GIPC2: variants seen among roughly 807,000 people sequenced by gnomAD.
GIPC2 encodes PDZ domain-containing protein GIPC2.
In GIPC2, 30 loss-of-function variants were observed where a neutral mutation model predicts 30.6. That is an observed-to-expected ratio of 0.98 (90% CI 0.73 to 1.33). GIPC2 has a LOEUF of 1.33. GIPC2 is among the 40% of genes most tolerant of loss of function. The probability of loss-of-function intolerance (pLI) is 0.00; values close to 1 mark genes in which losing one functional copy is unlikely to be tolerated. For synonymous variants in GIPC2, 167 were observed against 150.0 expected (o/e 1.11, Z -0.83); for missense variants, 414 against 390.3 (o/e 1.06, Z -0.51).
At chr1:78,134,640 G>A (rs998838522) in intron 5 of GIPC2, among the ~76,000 whole-genome samples, 1 of 152,124 alleles carries the variant, frequency 6.6e-6, no homozygotes, top group African/African-American at 2.4e-5. Flanking sequence ...CCTGCCTTGT[G>A]TTAGGACTGA....
intron 3 of GIPC2, among the ~76,000 whole-genome samples, chr1:78,098,262 A>G (rs1351025807): frequency 6.6e-6 from 1 of 152,174 alleles, no homozygotes; most frequent in Non-Finnish European, 1.5e-5. Flanking sequence ...GCAGTGGACT[A>G]TCTAGAGATG....
chr1:78,101,850 A>AT (rs1662256332), intron 3 of GIPC2, among the ~76,000 whole-genome samples: 1 of 152,120 alleles, frequency 6.6e-6, no homozygotes, highest in Admixed American at 6.5e-5. Context: ...GTAAACCTAG[A>AT]TTTTCCCAAG....
intron 3 of GIPC2, among the ~76,000 whole-genome samples, chr1:78,101,348 T>G (rs1290731949): frequency 6.6e-6 from 1 of 152,204 alleles, no homozygotes; most frequent in Admixed American, 6.5e-5. Context: ...TCTGTGCTGG[T>G]CAGAATTTAA....
intron 5 of GIPC2, among the ~76,000 whole-genome samples, chr1:78,130,803 A>G (rs950070670): frequency 6.6e-6 from 1 of 152,198 alleles, no homozygotes; most frequent in Non-Finnish European, 1.5e-5. Context: ...AACCGTAAAG[A>G]TTTTTAACCG....
intron 1 of GIPC2, among the ~76,000 whole-genome samples, chr1:78,046,762 T>C (rs1182861127): frequency 6.6e-6 from 1 of 152,012 alleles, no homozygotes; most frequent in Non-Finnish European, 1.5e-5. Flanking sequence ...GTCACGCAGG[T>C]CATCTCCCTA....
At chr1:78,054,272 C>T (rs1162212573) in intron 1 of GIPC2, among the ~76,000 whole-genome samples, 1 of 152,182 alleles carries the variant, frequency 6.6e-6, no homozygotes, top group Non-Finnish European at 1.5e-5. Context: ...TCTGTTTCTT[C>T]CTGAGGGCTG....
At chr1:78,095,405 G>C (rs1662120129) in intron 3 of GIPC2, among the ~76,000 whole-genome samples, 1 of 152,188 alleles carries the variant, frequency 6.6e-6, no homozygotes, top group Non-Finnish European at 1.5e-5. Flanking sequence ...TGATGTGGCT[G>C]TTCCTATCTC....
At chr1:78,045,926 G>C, upstream of GIPC2, 1 of 1,342,646 alleles carries the variant, frequency 7.4e-7, no homozygotes, top group Non-Finnish European at 9.5e-7. Flanking sequence ...CGGCTGCTCC[G>C]GTCCAGGGGT....
intron 3 of GIPC2, among the ~76,000 whole-genome samples, chr1:78,110,092 G>A (rs1193543243): frequency 6.6e-6 from 1 of 152,058 alleles, no homozygotes; most frequent in African/African-American, 2.4e-5. Context: ...TGTAAATGAC[G>A]AGTTAATGGG....
intron 1 of GIPC2, 129 bp downstream of exon 1, chr1:78,046,463 G>T (rs1661089278): frequency 1.3e-6 from 1 of 797,640 alleles, no homozygotes; most frequent in Non-Finnish European, 2.0e-6. Context: ...TGTTGAGTCC[G>T]CCGGGGGCGT....
intron 3 of GIPC2, 139 bp downstream of exon 3, chr1:78,095,271 A>G: frequency 1.7e-6 from 1 of 583,058 alleles, no homozygotes; most frequent in Admixed American, 2.8e-5. Flanking sequence ...AAACATAGAA[A>G]ATGGTAGCAC....
intron 1 of GIPC2, among the ~76,000 whole-genome samples, chr1:78,069,799 T>C (rs1661584849): frequency 1.3e-5 from 2 of 152,074 alleles, no homozygotes; most frequent in Non-Finnish European, 2.9e-5. Context: ...TATGATGACT[T>C]TTAGGTGTTT....
intron 3 of GIPC2, among the ~76,000 whole-genome samples, chr1:78,107,296 C>T (rs569304801): frequency 6.6e-6 from 1 of 152,024 alleles, no homozygotes; most frequent in South Asian, 2.1e-4. Flanking sequence ...CAGGTGCAGG[C>T]CACCAACCTA....
intron 3 of GIPC2, among the ~76,000 whole-genome samples, chr1:78,096,744 T>C (rs1030150067): frequency 1.3e-5 from 2 of 152,218 alleles, no homozygotes; most frequent in Non-Finnish European, 2.9e-5. Context: ...ATGAAATCAA[T>C]GGACACATTT....
chr1:78,079,603 A>T lies in GIPC2; in HGVS notation c.241-1072A>T, dbSNP rs368526209. On this transcript the variant is annotated intron_variant, in intron 1 of 5. Coordinates refer to ENST00000370759, the MANE Select transcript of GIPC2 (RefSeq NM_017655.6). ...GCTTGCAATGCCTGTGGTGGACATT[A>T]TCTGATAAATTTCATTTAGTGATTT... Among the ~76,000 whole-genome samples, 21 of 152,320 alleles carry T rather than the reference A, an allele frequency of 1.4e-4. No homozygotes were observed. The South Asian group carries it at 2.3e-3, about 17-fold the overall frequency.
At chr1:78,115,532 C>A (rs930607768) in intron 3 of GIPC2, among the ~76,000 whole-genome samples, 1 of 152,180 alleles carries the variant, frequency 6.6e-6, no homozygotes, top group African/African-American at 2.4e-5. Flanking sequence ...CTAGGCAGTA[C>A]GGAATCCTGG....
At position 78,135,630 on chromosome 1, in the gene GIPC2, C is replaced by T; in HGVS notation, c.835C>T (p.Pro279Ser). Residue 279 changes from proline (P) to serine (S), a missense_variant, in exon 6 of 6, where the codon CCA becomes TCA. Coordinates refer to ENST00000370759, the MANE Select transcript of GIPC2 (RefSeq NM_017655.6). ...MFEAGKDKVN[P>S]DEFAVALDET... ...TGAAGCTGGAAAGGACAAAGTAAAT[C>T]CAGATGAATTTGCTGTGGCACTTGA... 1.2e-6 allele frequency: 2 copies of T among 1,602,662 alleles called. No homozygotes were observed. Among genetic ancestry groups the T allele is most frequent in the Non-Finnish European group, 1.7e-6 (2 of 1,171,950 alleles).
chr1:78,098,068 C>T (rs571249857), intron 3 of GIPC2, among the ~76,000 whole-genome samples: 201 of 152,314 alleles, frequency 1.3e-3, no homozygotes, highest in Non-Finnish European at 1.7e-3. Flanking sequence ...TCTTGTTCTG[C>T]AGCCACAGCA....
intron 2 of GIPC2, among the ~76,000 whole-genome samples, chr1:78,084,519 A>AG (rs1661890900): frequency 6.6e-6 from 1 of 151,700 alleles, no homozygotes; most frequent in South Asian, 2.1e-4. Flanking sequence ...TCAAAAAAAA[A>AG]AAAAAAAAAT....
Sources: gnomAD v4.1 joint callset for allele counts (sites outside exome capture counted in the v4.1 genomes callset) on GRCh38, gnomAD v4.1.1 for gene constraint, MANE v1.5 for transcripts, NCBI Gene and HGNC (gene_info 2026-07-23, HGNC 2026-07-21) for gene names.